DYM: variants seen among roughly 807,000 people sequenced by gnomAD.
DYM encodes the protein dyggve-Melchior-Clausen syndrome protein.
A neutral mutation model predicts 93.1 loss-of-function variants in DYM; 78 were observed. The observed-to-expected ratio is 0.84, with a 90% CI of 0.70 to 1.01. DYM has a LOEUF of 1.01. Among genes scored for constraint, DYM ranks in the 50% least tolerant of loss-of-function variants. DYM has a pLI of 0.00. For synonymous variants in DYM, 321 were observed against 319.7 expected (o/e 1.00, Z -0.04); for missense variants, 789 against 845.0 (o/e 0.93, Z 0.82).
intron 14 of DYM, among the ~76,000 whole-genome samples, chr18:49,184,641 T>C (rs1170106537): frequency 6.6e-6 from 1 of 152,180 alleles, no homozygotes; most frequent in Non-Finnish European, 1.5e-5. Context: ...AAGTGACTAA[T>C]GGGCAGGTCG....
At chr18:49,376,105 C>T (rs1021686681) in intron 5 of DYM, among the ~76,000 whole-genome samples, 2 of 152,080 alleles carry the variant, frequency 1.3e-5, no homozygotes, top group Admixed American at 6.6e-5. Context: ...TGGCACTTCA[C>T]GTTGTGATCA....
intron 5 of DYM, among the ~76,000 whole-genome samples, chr18:49,377,070 G>A (rs1056305422): frequency 7.2e-5 from 11 of 152,168 alleles, no homozygotes; most frequent in African/African-American, 2.7e-4. Flanking sequence ...TGAGTTGAAA[G>A]TATTGTAAAC....
chr18:49,092,462 C>T (rs537043313), intron 17 of DYM, among the ~76,000 whole-genome samples: 13 of 152,336 alleles, frequency 8.5e-5, no homozygotes, highest in Admixed American at 4.6e-4. Context: ...TCATTTTACA[C>T]GCAGCGTAAA....
chr18:49,385,350 G>C (rs1448914850), intron 3 of DYM, among the ~76,000 whole-genome samples: 1 of 152,178 alleles, frequency 6.6e-6, no homozygotes, highest in Non-Finnish European at 1.5e-5. Context: ...AGTGGGTTAA[G>C]AACTAGGACA....
chr18:49,390,285 GCAGGTGTGGTGC>G (rs2069075625), intron 3 of DYM, among the ~76,000 whole-genome samples: 1 of 151,980 alleles, frequency 6.6e-6, no homozygotes, highest in Non-Finnish European at 1.5e-5. Context: ...AAATCATTAG[GCAGGTGTGGTGC>G]CATGCACCTA....
intron 15 of DYM, among the ~76,000 whole-genome samples, chr18:49,142,131 G>C (rs1177924755): frequency 6.6e-6 from 1 of 151,966 alleles, no homozygotes; most frequent in Non-Finnish European, 1.5e-5. Flanking sequence ...AAAGTGCTGG[G>C]ATTACAGGTG....
At position 49,208,180 on chromosome 18, in the gene DYM, C is replaced by T. The variant is rs1216913486; in HGVS notation, c.1625+1371G>A. Reference sequence around the variant, plus strand: ...CCTGGGTGACAGAGCAAGACTCCATCTCAAAAAAAAAAAAAAAAAAAAAAT... The same window carrying T: ...CCTGGGTGACAGAGCAAGACTCCATTTCAAAAAAAAAAAAAAAAAAAAAAT... On this transcript the variant is annotated intron_variant, in intron 14 of 17. Transcript: ENST00000675505. Among the ~76,000 whole-genome samples, 3 of 79,014 alleles carry T rather than the reference C, an allele frequency of 3.8e-5. No individual in the cohort carries two copies. In the East Asian group the frequency reaches 1.2e-3, roughly 31 times the overall value. 51.8% of individuals were successfully genotyped at this position (79,014 alleles called of 152,430 possible). A position where few individuals can be genotyped will look rare whatever the true frequency, so the allele number is the denominator to read the frequency against.
At chr18:49,093,081 A>G (rs2079207387) in intron 17 of DYM, 1 of 152,254 alleles carries the variant, frequency 6.6e-6, no homozygotes, top group Non-Finnish European at 1.5e-5. Flanking sequence ...GTATTGAATG[A>G]GATGGGTGTG....
chr18:49,356,051 T>C (rs1241420047), intron 6 of DYM, among the ~76,000 whole-genome samples: 4 of 152,136 alleles, frequency 2.6e-5, no homozygotes, highest in African/African-American at 9.7e-5. Context: ...AAATTCAGCA[T>C]CAATGACTAC....
At chr18:49,082,730 G>T (rs1021173686) in intron 17 of DYM, among the ~76,000 whole-genome samples, 1 of 152,186 alleles carries the variant, frequency 6.6e-6, no homozygotes, top group East Asian at 1.9e-4. Context: ...GGCATGATTG[G>T]CCAAATACAG....
At chr18:49,319,758 G>A (rs2062319620) in intron 8 of DYM, among the ~76,000 whole-genome samples, 1 of 152,164 alleles carries the variant, frequency 6.6e-6, no homozygotes, top group Non-Finnish European at 1.5e-5. Flanking sequence ...CCTTTCTGAT[G>A]CCAAAAGTCG....
intron 5 of DYM, among the ~76,000 whole-genome samples, chr18:49,377,692 G>A (rs1395872146): frequency 2.6e-5 from 4 of 152,068 alleles, no homozygotes; most frequent in South Asian, 4.1e-4. Context: ...TCTTTTATAC[G>A]TTTGTTTCCC....
intron 13 of DYM, among the ~76,000 whole-genome samples, chr18:49,246,644 G>A (rs1022842916): frequency 6.6e-6 from 1 of 152,082 alleles, no homozygotes; most frequent in African/African-American, 2.4e-5. Flanking sequence ...GTGGAAATTT[G>A]CCTTAGATGA....
At chr18:49,145,134 T>TATATGTATATATATATATATATATAA (rs1555778609) in intron 15 of DYM, among the ~76,000 whole-genome samples, 3 of 79,574 alleles carry the variant, frequency 3.8e-5, no homozygotes, top group Non-Finnish European at 7.6e-5. Context: ...TATATATATA[T>TATATGTATATATATATATATATATAA]AATTTATATA....
intron 2 of DYM, among the ~76,000 whole-genome samples, chr18:49,403,743 C>T (rs908806514): frequency 6.7e-6 from 1 of 150,144 alleles, no homozygotes; most frequent in African/African-American, 2.4e-5. Context: ...CCCCCTCCTT[C>T]TTCCCCCCAT....
At chr18:49,289,600 ACT>A (rs1345970534) in intron 8 of DYM, among the ~76,000 whole-genome samples, 1 of 148,864 alleles carries the variant, frequency 6.7e-6, no homozygotes, top group African/African-American at 2.5e-5. Context: ...AGTCCCAGCT[ACT>A]CATGAGGCTG....
chr18:49,209,989 T>G (rs1295718431), intron 13 of DYM, among the ~76,000 whole-genome samples: 1 of 151,710 alleles, frequency 6.6e-6, no homozygotes, highest in African/African-American at 2.4e-5. Context: ...ACTAGGAAAA[T>G]GCAAATTCAA....
At chr18:49,067,943 C>A (rs371796293) in intron 17 of DYM, among the ~76,000 whole-genome samples, 7 of 152,050 alleles carry the variant, frequency 4.6e-5, no homozygotes, top group African/African-American at 1.7e-4. Flanking sequence ...CCAAAACTGG[C>A]CCTTTTGCAA....
At chr18:49,172,307 T>C (rs1213154328) in intron 14 of DYM, among the ~76,000 whole-genome samples, 1 of 152,192 alleles carries the variant, frequency 6.6e-6, no homozygotes, top group Non-Finnish European at 1.5e-5. Flanking sequence ...CTGTAAACAG[T>C]TGTACAGGTT....
Sources: allele counts gnomAD v4.1 joint callset (sites outside exome capture counted in the v4.1 genomes callset), GRCh38; gene constraint gnomAD v4.1.1; transcripts MANE v1.5; gene names NCBI Gene and HGNC (gene_info 2026-07-23, HGNC 2026-07-21).